The following TNRC6C variants were observed in gnomAD, a reference collection of about 807,000 sequenced individuals.
TNRC6C encodes the protein trinucleotide repeat containing adaptor 6C, also known as trinucleotide repeat-containing gene 6C protein.
A neutral mutation model predicts 153.7 loss-of-function variants in TNRC6C; 20 were observed. The ratio of observed to expected loss-of-function variants is 0.13; its 90% confidence interval spans 0.09 to 0.19. The LOEUF (loss-of-function observed/expected upper bound fraction) is 0.19. Ranked by LOEUF, TNRC6C falls within the 10% of genes least tolerant of loss-of-function variation. TNRC6C has a pLI of 1.00. For missense variants in TNRC6C, 1,987 were observed against 2,172.0 expected, an observed-to-expected ratio of 0.91 and a Z score of 1.69; for synonymous variants, 811 against 841.4, an observed-to-expected ratio of 0.96 and a Z score of 0.63.
chr17:77,971,332 C>A (rs2070938382), intron 1 of TNRC6C, among the ~76,000 whole-genome samples: 1 of 152,196 alleles, frequency 6.6e-6, no homozygotes, highest in South Asian at 2.1e-4. Context: ...TGAAACCAGT[C>A]TCCTTTATGA....
At chr17:78,007,666 T>C (rs1339369174) in intron 1 of TNRC6C, among the ~76,000 whole-genome samples, 1 of 152,218 alleles carries the variant, frequency 6.6e-6, no homozygotes, top group Non-Finnish European at 1.5e-5. Context: ...GGCCCTGAGT[T>C]GTTTGAATAT....
chr17:78,068,381 G>A (rs181040679), intron 5 of TNRC6C, among the ~76,000 whole-genome samples: 66 of 152,310 alleles, frequency 4.3e-4, no homozygotes, highest in African/African-American at 1.5e-3. Context: ...TTCTAATACA[G>A]TAAATAGCAA....
intron 2 of TNRC6C, among the ~76,000 whole-genome samples, chr17:78,044,856 C>G (rs1441946040): frequency 6.6e-6 from 1 of 152,150 alleles, no homozygotes; most frequent in South Asian, 2.1e-4. Flanking sequence ...AAGACTGTTA[C>G]AATGAATGTA....
intron 1 of TNRC6C, among the ~76,000 whole-genome samples, chr17:77,973,409 C>T (rs537496541): frequency 3.9e-5 from 6 of 152,198 alleles, no homozygotes; most frequent in African/African-American, 7.2e-5. Context: ...GAGTGAATGA[C>T]GGAATGCTTT....
upstream of TNRC6C, among the ~76,000 whole-genome samples, chr17:77,958,550 A>G (rs2070830719): frequency 6.6e-6 from 1 of 151,882 alleles, no homozygotes; most frequent in Admixed American, 6.5e-5. Flanking sequence ...TCAGGTGCAG[A>G]GTGCCGATTG....
chr17:78,079,845 C>T lies in TNRC6C; in HGVS notation c.3357+304C>T, dbSNP rs2073147766. Among the ~76,000 whole-genome samples the T allele has an allele frequency of 6.6e-6, 1 of 152,120 alleles. No homozygotes were observed. The highest frequency in any genetic ancestry group is 1.5e-5 in the Non-Finnish European group (1 of 68,024). On this transcript the variant is annotated intron_variant, in intron 10 of 19. Coordinates refer to ENST00000301624, the Ensembl canonical transcript of TNRC6C. The surrounding 1 kb of genome is among the most constrained non-coding windows in gnomAD (Gnocchi z 4.3). ...GGGAAGGACCTGCCCAACACACTCC[C>T]ATTGATGTGCTTTTGTCCCAGTCTT...
In TNRC6C at chr17:77,998,660, T is replaced by G. The variant is rs561314568; in HGVS notation, c.-37-5510T>G. On this transcript the variant is annotated intron_variant, in intron 1 of 22. Transcript: ENST00000636222. ...GGTTTAGTTTTTTAGTTCTAAACTT[T>G]TATTTGTTTACTCAAGTGTATTTTT... Among the ~76,000 whole-genome samples the G allele has an allele frequency of 2.0e-5, 3 of 152,322 alleles. No individual in the cohort carries two copies. In the East Asian group the frequency reaches 5.8e-4, roughly 29 times the overall value.
chr17:77,972,189 C>G (rs2070944982), intron 1 of TNRC6C, among the ~76,000 whole-genome samples: 1 of 151,932 alleles, frequency 6.6e-6, no homozygotes, highest in Non-Finnish European at 1.5e-5. Context: ...CAAGAGAAAA[C>G]TAGAGGAGAC....
At chr17:77,972,874 C>T (rs1312314765) in intron 1 of TNRC6C, among the ~76,000 whole-genome samples, 5 of 152,138 alleles carry the variant, frequency 3.3e-5, no homozygotes, top group Non-Finnish European at 1.5e-5. Flanking sequence ...ACCACGATGC[C>T]AGAGCCAATA....
chr17:78,051,814 A>G (rs1055427168), intron 3 of TNRC6C, among the ~76,000 whole-genome samples: 4 of 152,208 alleles, frequency 2.6e-5, no homozygotes, highest in African/African-American at 7.2e-5. Flanking sequence ...TAGGATAGAC[A>G]TGGTTCAGAA....
intron 3 of TNRC6C, 62 bp from the exon 6 acceptor site, chr17:78,064,660 A>T: frequency 1.4e-6 from 2 of 1,475,016 alleles, no homozygotes; most frequent in South Asian, 2.3e-5. Context: ...AAACTGAATT[A>T]TATTTTTGCT....
intron 2 of TNRC6C, among the ~76,000 whole-genome samples, chr17:78,041,310 G>C (rs1479920920): frequency 1.3e-5 from 2 of 152,180 alleles, no homozygotes; most frequent in Non-Finnish European, 2.9e-5. Flanking sequence ...GCTTGCTAAA[G>C]ATCTGCCGCA....
intron 1 of TNRC6C, among the ~76,000 whole-genome samples, chr17:77,974,578 T>TA (rs1454583534): frequency 6.6e-6 from 1 of 152,132 alleles, no homozygotes; most frequent in Non-Finnish European, 1.5e-5. Context: ...CCTCCCACCT[T>TA]AACCTCAAGA....
intron 1 of TNRC6C, among the ~76,000 whole-genome samples, chr17:77,980,850 C>A (rs1157629499): frequency 1.3e-5 from 2 of 152,184 alleles, no homozygotes; most frequent in Admixed American, 6.5e-5. Flanking sequence ...ATGCCTAGAA[C>A]AAGGTATGGG....
chr17:77,967,142 T>C (rs940352240), intron 1 of TNRC6C, among the ~76,000 whole-genome samples: 11 of 152,228 alleles, frequency 7.2e-5, no homozygotes, highest in Non-Finnish European at 1.2e-4. Flanking sequence ...TTTGTGTATA[T>C]GTAGTGTGGC....
chr17:78,049,182 G>A lies in TNRC6C; in HGVS notation c.120G>A (p.Gly40=), dbSNP rs544038591. The A allele has an allele frequency of 5.0e-6, 8 of 1,613,272 alleles. No individual in the cohort carries two copies. In the South Asian group the frequency reaches 7.7e-5, roughly 16 times the overall value. ...CTAATCAGAGTGCCCTTGGAGCAGG[G>A]GGAGCGAACAGTAATGGAAGTGCGG... The change falls in exon 3 of 20, where the codon GGG becomes GGA. Residue 40 remains glycine, a synonymous_variant. Transcript: ENST00000301624. The surrounding 1 kb of genome is among the most constrained non-coding windows in gnomAD (Gnocchi z 4.1).
chr17:77,982,935 TA>T (rs1311377483), intron 1 of TNRC6C, among the ~76,000 whole-genome samples: 1 of 152,168 alleles, frequency 6.6e-6, no homozygotes, highest in Admixed American at 6.5e-5. Flanking sequence ...GGAAAGTTTG[TA>T]ATGAAAAATG....
At chr17:77,990,541 C>T (rs961077246) in intron 1 of TNRC6C, among the ~76,000 whole-genome samples, 1 of 152,078 alleles carries the variant, frequency 6.6e-6, no homozygotes, top group Non-Finnish European at 1.5e-5. Context: ...CCTGTTGTGC[C>T]ACCAGGTCTC....
rs563708924 is a variant in TNRC6C at position 78,085,812 on chromosome 17, C to T, written c.3478-691C>T. On this transcript the variant is annotated intron_variant, in intron 11 of 19. Transcript: ENST00000301624. ...TGTCTGGGCTGTCCTGGACTTCAGT[C>T]TCCATCATTATAGAATAGGTTGGTT... Among the ~76,000 whole-genome samples, 331 of 151,276 alleles carry T rather than the reference C, an allele frequency of 2.2e-3. 1 individual carries two copies. Among genetic ancestry groups the T allele is most frequent in the Non-Finnish European group, 3.9e-3 (263 of 67,904 alleles).
Sources: allele counts gnomAD v4.1 joint callset (sites outside exome capture counted in the v4.1 genomes callset), GRCh38; gene constraint gnomAD v4.1.1; non-coding constraint Gnocchi (gnomAD v3.1); transcripts MANE v1.5; gene names NCBI Gene and HGNC (gene_info 2026-07-23, HGNC 2026-07-21).